ADGRB2: variants seen among roughly 807,000 people sequenced by gnomAD.
The protein encoded by ADGRB2 is adhesion G protein-coupled receptor B2.
A neutral mutation model predicts 178.7 loss-of-function variants in ADGRB2; 47 were observed. The ratio of observed to expected loss-of-function variants is 0.26; its 90% CI spans 0.21 to 0.34. The LOEUF (loss-of-function observed/expected upper bound fraction) is 0.34, where lower values mean the gene tolerates loss of function less well. Among genes scored for constraint, ADGRB2 ranks in the 10% least tolerant of loss-of-function variants. The probability of loss-of-function intolerance (pLI) is 1.00; values close to 1 mark genes in which losing one functional copy is unlikely to be tolerated. For synonymous variants in ADGRB2, 870 were observed against 912.4 expected, an observed-to-expected ratio of 0.95 and a Z score of 0.84; for missense variants, 1,584 against 2,180.8, an observed-to-expected ratio of 0.73 and a Z score of 5.45.
chr1:31,764,131 C>A lies in ADGRB2; in HGVS notation c.-438G>T. 1.2e-6 allele frequency: 1 copy of A among 842,050 alleles called. No homozygotes were observed. The highest frequency in any genetic ancestry group is 5.2e-5 in the South Asian group (1 of 19,102). The allele number at this position is 842,050 out of a possible 1,614,324, so 52.2% of individuals were successfully genotyped here. On this transcript the variant is annotated 5_prime_UTR_variant, in exon 1 of 33. In the 5' UTR this introduces an upstream ATG that the reference lacks. Transcript: ENST00000373658. This position sits in a 1 kb window ranked among gnomAD's most constrained non-coding sequence, Gnocchi z 7.3. ...CTGCCGCCGCCGCCGCCGCCGCCTCCTTGCCGCGCCGCCCCCCGCTCCCCC... is the reference window on the plus strand; with the variant it reads ...CTGCCGCCGCCGCCGCCGCCGCCTCATTGCCGCGCCGCCCCCCGCTCCCCC...
chr1:31,740,607 C>A lies in ADGRB2; in HGVS notation c.1795-66G>T, dbSNP rs369554231. 50 of 1,451,718 alleles carry A rather than the reference C, an allele frequency of 3.4e-5. No individual in the cohort carries two copies. The African/African-American group carries it at 5.4e-4, about 16-fold the overall frequency. 89.9% of individuals were successfully genotyped at this position (1,451,718 alleles called of 1,614,324 possible). On this transcript the variant is annotated intron_variant, in intron 11 of 32. Coordinates refer to ENST00000373658, the MANE Select transcript of ADGRB2 (RefSeq NM_001364857.2). This position sits in a 1 kb window ranked among gnomAD's most constrained non-coding sequence, Gnocchi z 5.9. ...AGCTGGAACCAGACCCTGGCCCATC[C>A]CACTCCAGTCCACCCACTGCTTGCA...
At chr1:31,737,999 G>T (rs1179257772) in intron 18 of ADGRB2, among the ~76,000 whole-genome samples, 1 of 151,972 alleles carries the variant, frequency 6.6e-6, no homozygotes, top group Non-Finnish European at 1.5e-5. Context: ...ACACACAACT[G>T]GCCACTGCCG....
At chr1:31,737,992 C>CACAA (rs1645718854) in intron 18 of ADGRB2, among the ~76,000 whole-genome samples, 1 of 152,148 alleles carries the variant, frequency 6.6e-6, no homozygotes, top group Non-Finnish European at 1.5e-5. Flanking sequence ...CACACACACA[C>CACAA]ACAACTGGCC....
At chr1:31,763,346 G>A (rs945589254) in intron 1 of ADGRB2, among the ~76,000 whole-genome samples, 1 of 151,378 alleles carries the variant, frequency 6.6e-6, no homozygotes, top group African/African-American at 2.4e-5. Flanking sequence ...CATGGTCGGG[G>A]TACAGGCGCG....
At chr1:31,737,347 A>C (rs1645671260) in intron 20 of ADGRB2, 82 bp downstream of exon 20, 1 of 1,332,880 alleles carries the variant, frequency 7.5e-7, no homozygotes, top group African/African-American at 1.4e-5. Context: ...ATGGACGTAC[A>C]AGCAAACACA....
chr1:31,744,713 T>C lies in ADGRB2; in HGVS notation c.857A>G (p.Glu286Gly). Residue 286 changes from glutamate (E) to glycine (G), a missense_variant, in exon 5 of 33, where the codon GAA becomes GGA. Glu to Gly is a moderately conservative substitution (Grantham distance 98). Coordinates refer to ENST00000373658, the MANE Select transcript of ADGRB2 (RefSeq NM_001364857.2). This position sits in a 1 kb window ranked among gnomAD's most constrained non-coding sequence, Gnocchi z 6.7. Reference protein sequence around the residue: ...EMRYGEEPEEEPKVKTQWPRS... With the variant: ...EMRYGEEPEEGPKVKTQWPRS... ...CGGCCACTGGGTTTTCACTTTCGGT[T>C]CCTCTTCCGGCTCCTCACCTGGAAC... 6.2e-7 allele frequency: 1 copy of C among 1,614,150 alleles called. No individual in the cohort carries two copies. Among genetic ancestry groups the C allele is most frequent in the East Asian group, 2.2e-5 (1 of 44,878 alleles).
chr1:31,735,693 G>A lies in ADGRB2; in HGVS notation c.3268-28C>T, dbSNP rs1645567405. Reference sequence around the variant, plus strand: ...GGGGGCCCAGTAGAGTGGAGTGGGGGAGACAGGATCACCAGGTGCCCTCCT... The same window carrying A: ...GGGGGCCCAGTAGAGTGGAGTGGGGAAGACAGGATCACCAGGTGCCCTCCT... On this transcript the variant is annotated intron_variant, in intron 23 of 32. Transcript: ENST00000373658. The surrounding 1 kb of genome is among the most constrained non-coding windows in gnomAD (Gnocchi z 6.0). The A allele has an allele frequency of 1.3e-6, 2 of 1,579,538 alleles. No homozygotes were observed. Among genetic ancestry groups the A allele is most frequent in the Non-Finnish European group, 1.7e-6 (2 of 1,157,894 alleles).
chr1:31,754,527 A>G lies in ADGRB2; in HGVS notation c.838+1472T>C, dbSNP rs1012678358. On this transcript the variant is annotated intron_variant, in intron 4 of 32. Coordinates refer to ENST00000373658, the MANE Select transcript of ADGRB2 (RefSeq NM_001364857.2). The surrounding 1 kb of genome is among the most constrained non-coding windows in gnomAD (Gnocchi z 5.7). ...CAAAATTCAATTTCTTCCTACAGGC[A>G]CTAAATCCCAGGCCAGCCTCCAGGG... Among the ~76,000 whole-genome samples, 2 of 152,258 alleles carry G rather than the reference A, an allele frequency of 1.3e-5. No individual in the cohort carries two copies. The highest frequency in any genetic ancestry group is 2.9e-5 in the Non-Finnish European group (2 of 68,046).
Position 31,738,330 on chromosome 1 carries a change from G to C in ADGRB2, c.2646-4C>G. ...CCAGTCTCCTGAGCTGGCATCTCTTGGGTAGGGGAGAGATTCAGTGAGCCC... is the reference window on the plus strand; with the variant it reads ...CCAGTCTCCTGAGCTGGCATCTCTTCGGTAGGGGAGAGATTCAGTGAGCCC... On this transcript the variant is annotated splice_polypyrimidine_tract_variant and splice_region_variant and intron_variant, in intron 17 of 32. Coordinates refer to ENST00000373658, the MANE Select transcript of ADGRB2 (RefSeq NM_001364857.2). The C allele has an allele frequency of 6.2e-7, 1 of 1,610,284 alleles. No homozygotes were observed. The highest frequency in any genetic ancestry group is 1.4e-5 in the African/African-American group (1 of 71,770).
chr1:31,736,003 C>T (rs898992610), intron 22 of ADGRB2, 110 bp from the exon 23 acceptor site: 3 of 1,192,886 alleles, frequency 2.5e-6, no homozygotes, highest in Admixed American at 2.4e-5. Context: ...CCAGTGCAGT[C>T]TGAGCCCCAG....
chr1:31,756,288 G>A lies in ADGRB2; in HGVS notation c.549C>T (p.Val183=), dbSNP rs200753542. The A allele has an allele frequency of 2.0e-5, 33 of 1,612,978 alleles. No individual in the cohort carries two copies. Among genetic ancestry groups the A allele is most frequent in the Admixed American group, 5.0e-5 (3 of 60,014 alleles). The change falls in exon 4 of 33, where the codon GTC becomes GTT. Residue 183 remains valine, a synonymous_variant. Transcript: ENST00000373658. This position sits in a 1 kb window ranked among gnomAD's most constrained non-coding sequence, Gnocchi z 8.5. ...TGTTGTTGTTGATGAGCAAGACCTC[G>A]ACAAAGCGGAAGGCTAGGGCAGCGG... The part of the protein sequence containing the change: ...LAPAALAFRF[V]EVLLINNNNS...
intron 26 of ADGRB2, among the ~76,000 whole-genome samples, 158 bp downstream of exon 26, chr1:31,732,814 G>A (rs926775403): frequency 3.9e-5 from 6 of 152,236 alleles, no homozygotes; most frequent in Admixed American, 6.5e-5. Flanking sequence ...GGACAGTTGC[G>A]GGTACCCCGG....
chr1:31,732,709 A>G, intron 26 of ADGRB2, 97 bp from the exon 27 acceptor site: 5 of 1,398,856 alleles, frequency 3.6e-6, no homozygotes, highest in Non-Finnish European at 5.0e-6. Flanking sequence ...GCAAGTGTAG[A>G]AGGAAGGCAA....
Position 31,756,408 on chromosome 1 carries a change from G to A in ADGRB2, c.429C>T (p.Ser143=), listed in dbSNP as rs778787240. Residue 143 remains serine, a synonymous_variant, in exon 4 of 33, where the codon AGC becomes AGT. Coordinates refer to ENST00000373658, the MANE Select transcript of ADGRB2 (RefSeq NM_001364857.2). The surrounding 1 kb of genome is among the most constrained non-coding windows in gnomAD (Gnocchi z 8.5). ...AEAAAGLELC[S]GSGPFTFLHF... is the part of the protein sequence containing the mutation. Reference sequence around the variant, plus strand: ...GCAGGAAGGTAAAGGGGCCTGAGCCGCTGCACAGCTCCAACCCCGCTGCCG... The same window carrying A: ...GCAGGAAGGTAAAGGGGCCTGAGCCACTGCACAGCTCCAACCCCGCTGCCG... 4.1e-5 allele frequency: 66 copies of A among 1,612,720 alleles called. No homozygotes were observed. Among genetic ancestry groups the A allele is most frequent in the Admixed American group, 8.3e-5 (5 of 59,972 alleles).
intron 29 of ADGRB2, 117 bp downstream of exon 29, chr1:31,730,683 C>T: frequency 7.6e-7 from 1 of 1,313,792 alleles, no homozygotes; most frequent in Non-Finnish European, 9.9e-7. Flanking sequence ...TCAGTGTATC[C>T]ACTCCCAGTG....
Position 31,744,530 on chromosome 1 carries a change from G to A in ADGRB2, c.922+118C>T. 6.9e-7 allele frequency: 1 copy of A among 1,445,784 alleles called. No homozygotes were observed. The highest frequency in any genetic ancestry group is 9.5e-7 in the Non-Finnish European group (1 of 1,056,424). The allele number at this position is 1,445,784 out of a possible 1,614,324, so 89.6% of individuals were successfully genotyped here. A position where few individuals can be genotyped will look rare whatever the true frequency, so the allele number is the denominator to read the frequency against. On this transcript the variant is annotated intron_variant, in intron 5 of 32. Coordinates refer to ENST00000373658, the MANE Select transcript of ADGRB2 (RefSeq NM_001364857.2). The surrounding 1 kb of genome is among the most constrained non-coding windows in gnomAD (Gnocchi z 6.7). ...CCAGCCCTTCCCACAAGCTTCATGTGGCACAGACGCGACTGAACTGCAGGA... is the reference window on the plus strand; with the variant it reads ...CCAGCCCTTCCCACAAGCTTCATGTAGCACAGACGCGACTGAACTGCAGGA...
Position 31,728,428 on chromosome 1 carries a change from C to A in ADGRB2, c.4417-148G>T. The A allele has an allele frequency of 7.5e-7, 1 of 1,332,408 alleles. No homozygotes were observed. Among genetic ancestry groups the A allele is most frequent in the South Asian group, 1.2e-5 (1 of 82,648 alleles). The allele number at this position is 1,332,408 out of a possible 1,614,324, so 82.5% of individuals were successfully genotyped here. On this transcript the variant is annotated intron_variant, in intron 30 of 32. Transcript: ENST00000373658. This position sits in a 1 kb window ranked among gnomAD's most constrained non-coding sequence, Gnocchi z 6.7. Reference sequence around the variant, plus strand: ...ACCTAGTTCTCTCTTCACGTTGGTGCTATGGGCTTGGGCAGGGAGGGAATC... The same window carrying A: ...ACCTAGTTCTCTCTTCACGTTGGTGATATGGGCTTGGGCAGGGAGGGAATC...
At chr1:31,762,619 C>G (rs1275350994) in intron 1 of ADGRB2, among the ~76,000 whole-genome samples, 1 of 150,494 alleles carries the variant, frequency 6.6e-6, no homozygotes, top group East Asian at 2.0e-4. Context: ...CACCCCAACC[C>G]ATCCCACCCC....
Position 31,742,895 on chromosome 1 carries a change from T to C in ADGRB2, c.1195A>G (p.Lys399Glu). 2 of 1,540,788 alleles carry C rather than the reference T, an allele frequency of 1.3e-6. No homozygotes were observed. Among genetic ancestry groups the C allele is most frequent in the East Asian group, 2.5e-5 (1 of 40,214 alleles). Residue 399 changes from lysine to glutamate, a missense_variant, in exon 7 of 33, where the codon AAG becomes GAG. Transcript: ENST00000373658. ...RTCVPPQHGG[K>E]ACEGPELQTK... ...TGCAGCTCAGGACCCTCGCAGGCCT[T>C]GCCGCCGTGCTGGGGGGGCACGCAG...
Sources: allele counts gnomAD v4.1 joint callset (sites outside exome capture counted in the v4.1 genomes callset), GRCh38; gene constraint gnomAD v4.1.1; non-coding constraint Gnocchi (gnomAD v3.1); transcripts MANE v1.5; gene names NCBI Gene and HGNC (gene_info 2026-07-23, HGNC 2026-07-21).